Variants in RPS6 observed in about 807,000 individuals in gnomAD.
RPS6 encodes ribosomal protein S6, also known as small ribosomal subunit protein eS6.
In RPS6, 1 loss-of-function variant was observed where a neutral mutation model predicts 27.1. That is an observed-to-expected ratio of 0.04 (90% CI 0.01 to 0.18). RPS6 has a LOEUF of 0.18. Among genes scored for constraint, RPS6 ranks in the 10% least tolerant of loss-of-function variants. The pLI, the probability that RPS6 is intolerant of heterozygous loss-of-function variation, is 1.00. For missense variants in RPS6, 259 were observed against 319.1 expected (o/e 0.81, Z 1.44); for synonymous variants, 152 against 106.0 (o/e 1.43, Z -2.66).
chr9:19,378,359 C>A lies in RPS6; in HGVS notation c.496+9G>T, dbSNP rs754315186. ...ATTAAGCAAGCCCTAATTGCATAAT[C>A]CCTCCTACCTTCTTTATTTAAGGGC... On this transcript the variant is annotated intron_variant, in intron 4 of 5. Coordinates refer to ENST00000380394, the MANE Select transcript of RPS6 (RefSeq NM_001010.3). The A allele has an allele frequency of 6.2e-7, 1 of 1,610,588 alleles. No individual in the cohort carries two copies. Among genetic ancestry groups the A allele is most frequent in the African/African-American group, 1.3e-5 (1 of 74,734 alleles).
At chr9:19,378,646 A>G (rs1829628418) in intron 3 of RPS6, 62 bp downstream of exon 3, 1 of 1,587,622 alleles carries the variant, frequency 6.3e-7, no homozygotes, top group African/African-American at 1.3e-5. Context: ...GCAAATGAAT[A>G]AGCATTTGGA....
intron 4 of RPS6, among the ~76,000 whole-genome samples, chr9:19,377,937 A>C (rs1829616760): frequency 6.6e-6 from 1 of 152,170 alleles, no homozygotes; most frequent in Non-Finnish European, 1.5e-5. Flanking sequence ...TGGGAGCATC[A>C]CTTGAGCTCA....
At chr9:19,379,856 G>A in intron 1 of RPS6, 8 of 1,422,698 alleles carry the variant, frequency 5.6e-6, no homozygotes, top group Non-Finnish European at 7.3e-6. Flanking sequence ...GGGGGCGAGG[G>A]CACTCCGCAG....
intron 4 of RPS6, 66 bp downstream of exon 4, chr9:19,378,302 T>TA: frequency 6.7e-7 from 1 of 1,494,968 alleles, no homozygotes; most frequent in Non-Finnish European, 9.3e-7. Context: ...TATCTTCTGA[T>TA]ATGCACACAA....
In RPS6 at chr9:19,376,578, C is replaced by A; in HGVS notation, c.570G>T (p.Arg190=). 3 of 1,614,152 alleles carry A rather than the reference C, an allele frequency of 1.9e-6. No individual in the cohort carries two copies. Among genetic ancestry groups the A allele is most frequent in the Non-Finnish European group, 2.5e-6 (3 of 1,180,042 alleles). ...VTPRVLQHKR[R]RIALKKQRTK... Reference sequence around the variant, plus strand: ...TACGCTGCTTCTTCAGAGCAATACGCCGCCGTTTGTGCTGCAGGACACGTG... The same window carrying A: ...TACGCTGCTTCTTCAGAGCAATACGACGCCGTTTGTGCTGCAGGACACGTG... Residue 190 remains arginine, a synonymous_variant, in exon 5 of 6, where the codon CGG becomes CGT. Coordinates refer to ENST00000380394, the MANE Select transcript of RPS6 (RefSeq NM_001010.3).
Position 19,378,687 on chromosome 9 carries a change from T to C in RPS6, c.349+21A>G, listed in dbSNP as rs145172685. 1.6e-4 allele frequency: 266 copies of C among 1,612,620 alleles called. No individual in the cohort carries two copies. In the African/African-American group the frequency reaches 2.9e-3, roughly 18 times the overall value. ...GGCTTTAAATCAATTTCAACGAAAA[T>C]TGAACACAAGTAACCCTCACCTTTT... On this transcript the variant is annotated intron_variant, in intron 3 of 5. Transcript: ENST00000380394.
In RPS6 at chr9:19,376,392, A is replaced by T; in HGVS notation, c.655-4T>A. The T allele has an allele frequency of 6.2e-7, 1 of 1,613,472 alleles. No homozygotes were observed. ...CCTGGCGCTTCTCCTTAGCCTCCTAAACAAAACAAAACAGCAAACAGTTAA... is the reference window on the plus strand; with the variant it reads ...CCTGGCGCTTCTCCTTAGCCTCCTATACAAAACAAAACAGCAAACAGTTAA... On this transcript the variant is annotated splice_region_variant and splice_polypyrimidine_tract_variant and intron_variant, in intron 5 of 5. Transcript: ENST00000380394.
chr9:19,376,507 G>A lies in RPS6; in HGVS notation c.641C>T (p.Ala214Val), dbSNP rs11541621. The A allele has an allele frequency of 6.2e-7, 1 of 1,613,872 alleles. No homozygotes were observed. Among genetic ancestry groups the A allele is most frequent in the South Asian group, 1.1e-5 (1 of 91,022 alleles). The change falls in exon 5 of 6, where the codon GCC (alanine) becomes GTC (valine). Residue 214 changes from alanine to valine, a missense_variant. Physicochemically the swap from Ala to Val is moderately conservative, Grantham distance 64 (BLOSUM62 0). Around this residue, in one of 3 missense-constraint regions of RPS6, gnomAD observed 191 missense variants for 231.6 expected, o/e 0.82. Transcript: ENST00000380394. ...EEAAEYAKLLAKRMKEAKEKR... is the reference protein window; with the variant it reads ...EEAAEYAKLLVKRMKEAKEKR... ...TCTTAGACTAACCTTCATTCTCTTG[G>A]CCAAAAGTTTAGCATATTCTGCAGC... is the stretch of plus-strand genomic sequence containing the variant.
At chr9:19,378,616 GGTCT>G (rs1206996612) in intron 3 of RPS6, 88 bp downstream of exon 3, 38 of 1,563,976 alleles carry the variant, frequency 2.4e-5, no homozygotes, top group Non-Finnish European at 2.7e-5. Context: ...CAAATCCATT[GGTCT>G]GTAAGTCTGG....
chr9:19,378,324 A>G (rs1208593322), intron 4 of RPS6, 44 bp downstream of exon 4: 1 of 1,598,416 alleles, frequency 6.3e-7, no homozygotes, highest in East Asian at 2.2e-5. Flanking sequence ...ATGATAGACA[A>G]ATTACCAAAA....
chr9:19,376,555 C>T lies in RPS6; in HGVS notation c.593G>A (p.Arg198His), dbSNP rs1158643395. The change falls in exon 5 of 6, where the codon CGT (arginine) becomes CAT (histidine). Residue 198 changes from arginine (R) to histidine (H), a missense_variant. Arg to His is a conservative substitution (Grantham distance 29, BLOSUM62 0). Transcript: ENST00000380394. Reference sequence around the variant, plus strand: ...AGCCTCTTCTTTATTTTTCTTGGTACGCTGCTTCTTCAGAGCAATACGCCG... The same window carrying T: ...AGCCTCTTCTTTATTTTTCTTGGTATGCTGCTTCTTCAGAGCAATACGCCG... Reference protein sequence around the residue: ...KRRRIALKKQRTKKNKEEAAE... With the variant: ...KRRRIALKKQHTKKNKEEAAE... 6 of 1,613,946 alleles carry T rather than the reference C, an allele frequency of 3.7e-6. No homozygotes were observed. The highest frequency in any genetic ancestry group is 4.2e-6 in the Non-Finnish European group (5 of 1,180,046).
Position 19,379,513 on chromosome 9 carries a change from C to G in RPS6, c.112G>C (p.Ala38Pro), listed in dbSNP as rs751897427. Residue 38 changes from alanine (A) to proline (P), a missense_variant, in exon 2 of 6, where the codon GCT becomes CCT. Coordinates refer to ENST00000380394, the MANE Select transcript of RPS6 (RefSeq NM_001010.3). ...YEKRMATEVA[A>P]DALGEEWKGY... ...TTCCATTCTTCACCCAGAGCGTCAGCAGCAACTTCTGTGGCCATACGCTTC... is the reference window on the plus strand; with the variant it reads ...TTCCATTCTTCACCCAGAGCGTCAGGAGCAACTTCTGTGGCCATACGCTTC... 3.7e-6 allele frequency: 6 copies of G among 1,614,182 alleles called. No individual in the cohort carries two copies. Among genetic ancestry groups the G allele is most frequent in the South Asian group, 2.2e-5 (2 of 91,078 alleles).
At chr9:19,378,943 A>G in intron 2 of RPS6, 25 bp from the exon 3 acceptor site, 1 of 1,605,574 alleles carries the variant, frequency 6.2e-7, no homozygotes, top group Non-Finnish European at 8.5e-7. Context: ...AATGAATGAC[A>G]CATTTACTAT....
At position 19,379,132 on chromosome 9, in the gene RPS6, C is replaced by T. The variant is rs990100127; in HGVS notation, c.139-214G>A. 1.7e-5 allele frequency: 13 copies of T among 773,414 alleles called. No individual in the cohort carries two copies. In the Admixed American group the frequency reaches 2.1e-4, roughly 13 times the overall value. The allele number at this position is 773,414 out of a possible 1,614,324, so 47.9% of individuals were successfully genotyped here. A position where few individuals can be genotyped will look rare whatever the true frequency, so the allele number is the denominator to read the frequency against. The stretch of plus-strand genomic sequence containing the variant: ...ATGTCTTTCAAGTCGCATTTCTAAC[C>T]GATGTTTTATTAGAGATAACAGCAC... On this transcript the variant is annotated intron_variant, in intron 2 of 5. Transcript: ENST00000380394.
chr9:19,380,094 C>G (rs1829654287), intron 1 of RPS6, 96 bp downstream of exon 1: 5 of 1,613,536 alleles, frequency 3.1e-6, no homozygotes, highest in East Asian at 2.2e-5. Flanking sequence ...CCACCTAAAG[C>G]CAGGATCCTG....
At chr9:19,378,048 T>C (rs564978464) in intron 4 of RPS6, among the ~76,000 whole-genome samples, 13 of 152,352 alleles carry the variant, frequency 8.5e-5, no homozygotes, top group East Asian at 7.7e-4. Context: ...GTGGTGCTAA[T>C]AGTCCCAGAA....
intron 2 of RPS6, 59 bp from the exon 3 acceptor site, chr9:19,378,977 C>G: frequency 6.6e-7 from 1 of 1,517,082 alleles, no homozygotes; most frequent in Non-Finnish European, 9.0e-7. Flanking sequence ...TTATACAGTA[C>G]AGGATTGTGA....
chr9:19,379,674 G>T (rs1206408400), intron 1 of RPS6, 56 bp from the exon 2 acceptor site: 10 of 1,551,428 alleles, frequency 6.4e-6, no homozygotes, highest in Non-Finnish European at 8.7e-6. Flanking sequence ...GGTAATTGTA[G>T]AGCCATCTAC....
At chr9:19,378,654 G>C in intron 3 of RPS6, 54 bp downstream of exon 3, 2 of 1,594,504 alleles carry the variant, frequency 1.3e-6, no homozygotes, top group East Asian at 2.2e-5. Context: ...ATAAGCATTT[G>C]GACAACTGGC....
Sources: gnomAD v4.1 joint callset for allele counts (sites outside exome capture counted in the v4.1 genomes callset) on GRCh38, gnomAD v4.1.1 for gene constraint, gnomAD v4.1.1 regional missense constraint, MANE v1.5 for transcripts, NCBI Gene and HGNC (gene_info 2026-07-23, HGNC 2026-07-21) for gene names.